Variants in PRCD observed in about 807,000 individuals in gnomAD.
The protein encoded by PRCD is photoreceptor disk component PRCD.
In PRCD, 12 loss-of-function variants were observed where a neutral mutation model predicts 10.1. That is an observed-to-expected ratio of 1.18 (90% CI 0.76 to 1.92). PRCD has a LOEUF of 1.92. Among genes scored for constraint, PRCD ranks in the 40% most tolerant of loss-of-function variants. The pLI is 0.00. For synonymous variants in PRCD, 31 were observed against 26.2 expected, an observed-to-expected ratio of 1.18 and a Z score of -0.56; for missense variants, 61 against 72.2, an observed-to-expected ratio of 0.84 and a Z score of 0.56.
chr17:76,530,920 G>C lies in PRCD; in HGVS notation n.45+3087G>C. On this transcript the variant is annotated intron_variant and non_coding_transcript_variant, in intron 1 of 4. Coordinates refer to the PRCD transcript ENST00000397633. The surrounding 1 kb of genome is among the most constrained non-coding windows in gnomAD (Gnocchi z 6.1). ...GGCCTCAGGAGATATGGGAGACCTC[G>C]GGGACAGCAGAGGACATGGCGGGGA... The C allele has an allele frequency of 6.7e-7, 1 of 1,500,596 alleles. No individual in the cohort carries two copies. Among genetic ancestry groups the C allele is most frequent in the South Asian group, 1.3e-5 (1 of 77,798 alleles). The allele number at this position is 1,500,596 out of a possible 1,614,324, so 93.0% of individuals were successfully genotyped here.
chr17:76,540,193 C>T lies in PRCD; in HGVS notation c.52C>T (p.Arg18Ter), dbSNP rs527451635. The change falls in exon 1 of 5, where the codon CGA (arginine) becomes TGA (stop). Residue 18 changes from arginine (R) to a stop codon, truncating the protein, a stop_gained. Transcript: ENST00000592014. LOFTEE classifies it high-confidence loss of function. The surrounding 1 kb of genome is among the most constrained non-coding windows in gnomAD (Gnocchi z 5.0). Reference sequence around the variant, plus strand: ...CACCCTGGCCATGCTCTGGCGCCGCCGATTTGCCAACCGAGTCCAACCGTG... The same window carrying T: ...CACCCTGGCCATGCTCTGGCGCCGCTGATTTGCCAACCGAGTCCAACCGTG... Reference protein sequence around the residue: ...LSTLAMLWRRRFANRVQPEPS... With the variant: ...LSTLAMLWRR 7.6e-6 allele frequency: 12 copies of T among 1,578,750 alleles called. No homozygotes were observed. Among genetic ancestry groups the T allele is most frequent in the African/African-American group, 2.8e-5 (2 of 70,348 alleles).
intron 4 of PRCD, 116 bp downstream of exon 4, chr17:76,543,237 G>A (rs2075013527): frequency 1.1e-5 from 4 of 371,318 alleles, no homozygotes; most frequent in South Asian, 8.2e-5. Context: ...CGTGCTCGCT[G>A]CTCTCGGACG....
rs1337810451 is a variant in PRCD at position 76,543,074 on chromosome 17, C to T, written c.*105C>T. On this transcript the variant is annotated 3_prime_UTR_variant, in exon 4 of 5. Coordinates refer to ENST00000592014, the MANE Select transcript of PRCD (RefSeq NM_001077620.3). ...CTAGCCCAGGAGGATGCTGTGGGAG[C>T]TGCAGCAGCGGCAAGAGGGAGAATG... 2.1e-6 allele frequency: 1 copy of T among 471,810 alleles called. No homozygotes were observed. The highest frequency in any genetic ancestry group is 6.9e-5 in the East Asian group (1 of 14,436). The allele number at this position is 471,810 out of a possible 1,614,324, so 29.2% of individuals were successfully genotyped here.
intron 1 of PRCD, chr17:76,529,022 C>T (rs1339668547): frequency 2.0e-6 from 2 of 991,264 alleles, no homozygotes; most frequent in Non-Finnish European, 2.4e-6. Flanking sequence ...TCGGTACACA[C>T]AGCGCCCCCT....
rs1199371097 is a variant in PRCD, at chr17:76,530,492, A to G, written n.45+2659A>G. Among the ~76,000 whole-genome samples the G allele has an allele frequency of 1.3e-5, 2 of 151,990 alleles. No homozygotes were observed. Among genetic ancestry groups the G allele is most frequent in the African/African-American group, 2.4e-5 (1 of 41,380 alleles). ...TGGGCTGGGGTGTGTGTGTGTGTGTATGTGTCCTCGTGATCCTCCGGGCTC... is the reference window on the plus strand; with the variant it reads ...TGGGCTGGGGTGTGTGTGTGTGTGTGTGTGTCCTCGTGATCCTCCGGGCTC... On this transcript the variant is annotated intron_variant and non_coding_transcript_variant, in intron 1 of 4. Coordinates refer to the PRCD transcript ENST00000397633. The surrounding 1 kb of genome is among the most constrained non-coding windows in gnomAD (Gnocchi z 6.1).
At position 76,543,075 on chromosome 17, in the gene PRCD, T is replaced by G. The variant is rs575871400; in HGVS notation, c.*106T>G. On this transcript the variant is annotated 3_prime_UTR_variant, in exon 4 of 5. Transcript: ENST00000592014. Reference sequence around the variant, plus strand: ...TAGCCCAGGAGGATGCTGTGGGAGCTGCAGCAGCGGCAAGAGGGAGAATGG... The same window carrying G: ...TAGCCCAGGAGGATGCTGTGGGAGCGGCAGCAGCGGCAAGAGGGAGAATGG... 4.2e-6 allele frequency: 2 copies of G among 471,600 alleles called. No individual in the cohort carries two copies. Among genetic ancestry groups the G allele is most frequent in the Non-Finnish European group, 8.8e-6 (2 of 227,430 alleles). The allele number at this position is 471,600 out of a possible 1,614,324, so 29.2% of individuals were successfully genotyped here. A position where few individuals can be genotyped will look rare whatever the true frequency, so the allele number is the denominator to read the frequency against.
At chr17:76,546,030 C>T (rs1315982379), downstream of PRCD, 1 of 153,396 alleles carries the variant, frequency 6.5e-6, no homozygotes, top group Non-Finnish European at 1.5e-5. The surrounding 1 kb of genome is among the most constrained non-coding windows in gnomAD (Gnocchi z 4.5). Flanking sequence ...ATGTCCCAAC[C>T]TCCAGTGGTG....
At chr17:76,532,455 T>C (rs954766256) in intron 1 of PRCD, among the ~76,000 whole-genome samples, 7 of 151,920 alleles carry the variant, frequency 4.6e-5, no homozygotes, top group African/African-American at 1.7e-4. Context: ...CGTGTCAGAC[T>C]GGATCCCAAG....
intron 2 of PRCD, among the ~76,000 whole-genome samples, chr17:76,541,844 T>G (rs1428652223): frequency 6.6e-6 from 1 of 152,202 alleles, no homozygotes; most frequent in Non-Finnish European, 1.5e-5. Context: ...TGGGGGAAAT[T>G]TATGCAATCA....
At position 76,544,705 on chromosome 17, in the gene PRCD, T is replaced by A; in HGVS notation, c.*1055T>A. 2.2e-6 allele frequency: 1 copy of A among 456,788 alleles called. No homozygotes were observed. Among genetic ancestry groups the A allele is most frequent in the East Asian group, 6.9e-5 (1 of 14,392 alleles). 28.3% of individuals were successfully genotyped at this position (456,788 alleles called of 1,614,324 possible). A position where few individuals can be genotyped will look rare whatever the true frequency, so the allele number is the denominator to read the frequency against. On this transcript the variant is annotated 3_prime_UTR_variant, in exon 5 of 5. Transcript: ENST00000592014. ...TGTCAGGCTGAGGGCCAGAGGGCAC[T>A]GTTCCCGGGACCCAGTCTGTGTTCC... is the stretch of plus-strand genomic sequence containing the variant.
chr17:76,543,979 A>G lies in PRCD; in HGVS notation c.*329A>G, dbSNP rs1399277171. ...TTCCAAACGGGCAGTAGCGTGTGGG[A>G]AGGAAAAAGCCTGACACTTGTTTTT... is the stretch of plus-strand genomic sequence containing the variant. On this transcript the variant is annotated 3_prime_UTR_variant, in exon 5 of 5. Coordinates refer to ENST00000592014, the MANE Select transcript of PRCD (RefSeq NM_001077620.3). 2 of 462,786 alleles carry G rather than the reference A, an allele frequency of 4.3e-6. No homozygotes were observed. The highest frequency in any genetic ancestry group is 8.8e-6 in the Non-Finnish European group (2 of 227,006). 28.7% of individuals were successfully genotyped at this position (462,786 alleles called of 1,614,324 possible).
intron 2 of PRCD, 81 bp from the exon 3 acceptor site, chr17:76,542,472 G>GGGA (rs777923534): frequency 7.9e-6 from 12 of 1,517,384 alleles, no homozygotes; most frequent in Non-Finnish European, 1.1e-5. Flanking sequence ...TGATAGGGAT[G>GGGA]GGAGGAGGAG....
chr17:76,538,894 T>C (rs1021127783), upstream of PRCD, among the ~76,000 whole-genome samples: 1 of 152,230 alleles, frequency 6.6e-6, no homozygotes, highest in Non-Finnish European at 1.5e-5. Context: ...CAAGCATTGC[T>C]AAGGGTTGGC....
At chr17:76,527,623 G>A (rs1314428569), upstream of PRCD, 1 of 453,570 alleles carries the variant, frequency 2.2e-6, no homozygotes, top group African/African-American at 2.0e-5. Flanking sequence ...GGAGGGTGGG[G>A]TGGGGAAAGC....
Position 76,530,115 on chromosome 17 carries a change from T to G in PRCD, n.45+2282T>G. The G allele has an allele frequency of 1.0e-6, 1 of 981,310 alleles. No homozygotes were observed. Among genetic ancestry groups the G allele is most frequent in the Non-Finnish European group, 1.2e-6 (1 of 827,662 alleles). The allele number at this position is 981,310 out of a possible 1,614,324, so 60.8% of individuals were successfully genotyped here. A position where few individuals can be genotyped will look rare whatever the true frequency, so the allele number is the denominator to read the frequency against. On this transcript the variant is annotated intron_variant and non_coding_transcript_variant, in intron 1 of 4. Coordinates refer to the PRCD transcript ENST00000397633. The surrounding 1 kb of genome is among the most constrained non-coding windows in gnomAD (Gnocchi z 6.1). ...TGGGAAACTGCTGGGAATGTTTCTC[T>G]ACCACGGGAATGTTTCTCTACCACG...
intron 1 of PRCD, chr17:76,551,918 G>T (rs9911606): frequency 0.63 from 95,702 of 151,214 alleles, 33,717 homozygotes; most frequent in East Asian, 0.87. Context: ...AGGTGGGGGG[G>T]TGGGGGATAA....
At chr17:76,546,450 T>TG (rs59245044), downstream of PRCD, 100,911 of 149,488 alleles carry the variant, frequency 0.68, 35,212 homozygotes, top group East Asian at 0.86. The surrounding 1 kb of genome is among the most constrained non-coding windows in gnomAD (Gnocchi z 4.5). Flanking sequence ...TGTGTGTGGT[T>TG]TGTGTGTGTG....
At chr17:76,551,550 T>A (rs1329357958) in intron 1 of PRCD, 1 of 152,184 alleles carries the variant, frequency 6.6e-6, no homozygotes, top group Non-Finnish European at 1.5e-5. Context: ...TCGGTGAAAC[T>A]TAAAGCAGTG....
chr17:76,542,166 C>T (rs147639061), intron 2 of PRCD, among the ~76,000 whole-genome samples: 2 of 152,282 alleles, frequency 1.3e-5, no homozygotes, highest in Non-Finnish European at 2.9e-5. Context: ...CGATTCCAGG[C>T]AGGGTCTCTT....
Sources: gnomAD v4.1 joint callset for allele counts (sites outside exome capture counted in the v4.1 genomes callset) on GRCh38, gnomAD v4.1.1 for gene constraint, Gnocchi (gnomAD v3.1) non-coding constraint, MANE v1.5 for transcripts, NCBI Gene and HGNC (gene_info 2026-07-23, HGNC 2026-07-21) for gene names.